Variants in PDLIM5 observed in about 807,000 individuals in gnomAD.
The protein encoded by PDLIM5 is PDZ and LIM domain protein 5.
PDLIM5 carries 34 observed loss-of-function variants against 64.2 expected under a neutral mutation model. That is an observed-to-expected ratio of 0.53 (90% CI 0.40 to 0.71). The LOEUF is 0.71. Ranked by LOEUF, PDLIM5 falls within the 30% of genes least tolerant of loss-of-function variation. The pLI, the probability that PDLIM5 is intolerant of heterozygous loss-of-function variation, is 0.00. For synonymous variants in PDLIM5, 253 were observed against 269.1 expected (o/e 0.94, Z 0.59); for missense variants, 683 against 733.6 (o/e 0.93, Z 0.80).
At chr4:94,615,378 A>G (rs1738694273) in intron 7 of PDLIM5, among the ~76,000 whole-genome samples, 1 of 152,224 alleles carries the variant, frequency 6.6e-6, no homozygotes, top group Admixed American at 6.5e-5. Flanking sequence ...GGCTTCAATA[A>G]TTAAACAAAA....
intron 9 of PDLIM5, among the ~76,000 whole-genome samples, chr4:94,647,497 T>TA (rs569760629): frequency 6.6e-6 from 1 of 151,972 alleles, no homozygotes; most frequent in Non-Finnish European, 1.5e-5. Flanking sequence ...ATAAGTGAAA[T>TA]AAAAACTGTC....
intron 3 of PDLIM5, among the ~76,000 whole-genome samples, chr4:94,524,789 G>T (rs1730192287): frequency 6.6e-6 from 1 of 152,084 alleles, no homozygotes; most frequent in Non-Finnish European, 1.5e-5. Flanking sequence ...GAAAGACCAG[G>T]AGTTATATTT....
intron 2 of PDLIM5, among the ~76,000 whole-genome samples, chr4:94,463,156 CTT>C (rs890089614): frequency 6.6e-6 from 1 of 152,170 alleles, no homozygotes; most frequent in African/African-American, 2.4e-5. Context: ...CTGTCATAGA[CTT>C]TTTGGAAAAT....
At chr4:94,651,841 G>T (rs1741867567) in intron 9 of PDLIM5, among the ~76,000 whole-genome samples, 1 of 152,176 alleles carries the variant, frequency 6.6e-6, no homozygotes. Context: ...GGAAGAGCAA[G>T]GGTGAATTTC....
At chr4:94,544,248 C>T (rs1732110578) in intron 3 of PDLIM5, among the ~76,000 whole-genome samples, 1 of 152,040 alleles carries the variant, frequency 6.6e-6, no homozygotes, top group African/African-American at 2.4e-5. Flanking sequence ...CTAGGATGAT[C>T]CCATCTCAAG....
At chr4:94,609,071 G>A (rs10034254) in intron 7 of PDLIM5, among the ~76,000 whole-genome samples, 137,356 of 152,184 alleles carry the variant, frequency 0.9, 62,511 homozygotes, top group East Asian at 0.96. Context: ...GTTATAGCCT[G>A]TGGAAATTGG....
At chr4:94,589,732 C>CT (rs1196580123) in intron 7 of PDLIM5, among the ~76,000 whole-genome samples, 25 of 148,660 alleles carry the variant, frequency 1.7e-4, no homozygotes, top group East Asian at 8.0e-4. Flanking sequence ...CTCTTTCTTT[C>CT]TTTCTTTTCT....
chr4:94,465,792 G>A (rs1224229675), intron 2 of PDLIM5, among the ~76,000 whole-genome samples: 1 of 152,120 alleles, frequency 6.6e-6, no homozygotes, highest in African/African-American at 2.4e-5. Context: ...GCTGATAATT[G>A]GTTAGGCTCA....
At chr4:94,652,244 G>T (rs1741897946) in intron 9 of PDLIM5, among the ~76,000 whole-genome samples, 1 of 152,184 alleles carries the variant, frequency 6.6e-6, no homozygotes, top group Non-Finnish European at 1.5e-5. Flanking sequence ...CTAGCCTCAA[G>T]AGTCCTCCAG....
chr4:94,591,750 C>T (rs552564173), intron 7 of PDLIM5, among the ~76,000 whole-genome samples: 6 of 152,238 alleles, frequency 3.9e-5, no homozygotes, highest in Non-Finnish European at 8.8e-5. Context: ...CCTACCCACT[C>T]CTGCTTCCTT....
intron 3 of PDLIM5, among the ~76,000 whole-genome samples, chr4:94,531,555 A>T (rs1730870581): frequency 6.6e-6 from 1 of 152,166 alleles, no homozygotes; most frequent in South Asian, 2.1e-4. Flanking sequence ...ATAATGTTTT[A>T]AGAAAGTTTA....
intron 3 of PDLIM5, among the ~76,000 whole-genome samples, chr4:94,552,920 CT>C (rs1488251649): frequency 6.6e-6 from 1 of 151,978 alleles, no homozygotes; most frequent in African/African-American, 2.4e-5. Context: ...CTTTGGTAGT[CT>C]AGGTTGATTA....
chr4:94,501,194 T>C (rs1258748163), intron 2 of PDLIM5, among the ~76,000 whole-genome samples: 1 of 151,538 alleles, frequency 6.6e-6, no homozygotes, highest in East Asian at 1.9e-4. Context: ...CACCTCAGCC[T>C]CCTGAGTAGC....
intron 2 of PDLIM5, among the ~76,000 whole-genome samples, chr4:94,485,286 C>G (rs1196223773): frequency 6.6e-6 from 1 of 151,266 alleles, no homozygotes; most frequent in African/African-American, 2.5e-5. Context: ...CCAATCCCTT[C>G]TAGTTTCCAA....
chr4:94,491,042 C>T (rs1260051053), intron 2 of PDLIM5, among the ~76,000 whole-genome samples: 3 of 152,166 alleles, frequency 2.0e-5, no homozygotes, highest in Non-Finnish European at 4.4e-5. Flanking sequence ...TCTATTCCCA[C>T]TGGGAATTTT....
intron 7 of PDLIM5, among the ~76,000 whole-genome samples, chr4:94,612,922 T>C (rs1454986935): frequency 6.6e-6 from 1 of 151,004 alleles, no homozygotes; most frequent in African/African-American, 2.4e-5. Context: ...AATATATTTT[T>C]CCATTAAAAT....
At chr4:94,462,367 T>A (rs1416485856) in intron 2 of PDLIM5, among the ~76,000 whole-genome samples, 1 of 145,632 alleles carries the variant, frequency 6.9e-6, no homozygotes, top group South Asian at 2.1e-4. Flanking sequence ...ATAGAAATAC[T>A]TTTTTTTTTG....
At chr4:94,487,347 G>C (rs991174363) in intron 2 of PDLIM5, among the ~76,000 whole-genome samples, 14 of 152,266 alleles carry the variant, frequency 9.2e-5, no homozygotes, top group African/African-American at 3.4e-4. Flanking sequence ...GAATAAAGAA[G>C]TTATGAGAAA....
intron 11 of PDLIM5, among the ~76,000 whole-genome samples, chr4:94,660,999 A>G (rs1742660146): frequency 6.6e-6 from 1 of 152,116 alleles, no homozygotes; most frequent in Non-Finnish European, 1.5e-5. Flanking sequence ...CAGGACAATC[A>G]CTTGAACCCG....
Sources: gnomAD v4.1 joint callset for allele counts (sites outside exome capture counted in the v4.1 genomes callset) on GRCh38, gnomAD v4.1.1 for gene constraint, MANE v1.5 for transcripts, NCBI Gene and HGNC (gene_info 2026-07-23, HGNC 2026-07-21) for gene names.